Variants in PDGFRL observed in about 807,000 individuals in gnomAD.
PDGFRL encodes platelet derived growth factor receptor like, also known as platelet-derived growth factor receptor-like protein.
PDGFRL carries 46 observed loss-of-function variants against 37.2 expected under a neutral mutation model. The observed-to-expected ratio is 1.24, with a 90% CI of 0.98 to 1.58. PDGFRL has a LOEUF of 1.58. Ranked by LOEUF, PDGFRL falls within the 40% of genes most tolerant of loss-of-function variation. PDGFRL has a pLI of 0.00. For missense variants in PDGFRL, 692 were observed against 467.6 expected (o/e 1.48, Z -4.43); for synonymous variants, 251 against 184.3 (o/e 1.36, Z -2.93).
intron 1 of PDGFRL, among the ~76,000 whole-genome samples, chr8:17,582,999 C>T (rs1026281698): frequency 2.6e-5 from 4 of 151,996 alleles, no homozygotes; most frequent in South Asian, 2.1e-4. Flanking sequence ...TCCAGATGGG[C>T]GAATAAGAGC....
At chr8:17,587,496 T>C (rs1803841553) in intron 1 of PDGFRL, among the ~76,000 whole-genome samples, 1 of 152,142 alleles carries the variant, frequency 6.6e-6, no homozygotes, top group African/African-American at 2.4e-5. Flanking sequence ...TTAAAGTATT[T>C]ATGGGGCACA....
intron 2 of PDGFRL, among the ~76,000 whole-genome samples, chr8:17,616,191 TATTTA>T (rs2129742184): frequency 6.6e-6 from 1 of 151,054 alleles, no homozygotes; most frequent in East Asian, 2.0e-4. Context: ...TTTATTTATT[TATTTA>T]TTTATTTATT....
At chr8:17,577,181 C>T (rs991660733), upstream of PDGFRL, 6 of 1,562,428 alleles carry the variant, frequency 3.8e-6, no homozygotes, top group African/African-American at 8.1e-5. Context: ...CGCCCCTCGC[C>T]CGCCGCCTCC....
At chr8:17,638,201 A>G (rs943051680) in intron 5 of PDGFRL, among the ~76,000 whole-genome samples, 1 of 152,142 alleles carries the variant, frequency 6.6e-6, no homozygotes, top group Admixed American at 6.5e-5. Context: ...CTTTCCTCTT[A>G]GCACTGCCTT....
chr8:17,616,969 G>A (rs572217002), intron 2 of PDGFRL, among the ~76,000 whole-genome samples: 11 of 152,244 alleles, frequency 7.2e-5, no homozygotes, highest in South Asian at 6.2e-4. Flanking sequence ...CCCTATATCT[G>A]AGGACTGTCA....
At chr8:17,634,362 A>C (rs7006453) in intron 5 of PDGFRL, 149 bp downstream of exon 5, 141,388 of 583,286 alleles carry the variant, frequency 0.24, 22,641 homozygotes, top group African/African-American at 0.63. Flanking sequence ...GGGGCCAGGT[A>C]TTGTTTGTTT....
Position 17,606,224 on chromosome 8 carries a change from G to A in PDGFRL, c.354-14827G>A, listed in dbSNP as rs368314055. ...TATATTTTTCGAAAATACACAGAAC[G>A]TACAATTTACCATATTAACCATTTT... is the stretch of plus-strand genomic sequence containing the variant. On this transcript the variant is annotated intron_variant, in intron 2 of 5. Coordinates refer to ENST00000251630, the MANE Select transcript of PDGFRL (RefSeq NM_001372073.1). 5.9e-5 allele frequency among the ~76,000 whole-genome samples: 9 copies of A among 151,938 alleles called. No individual in the cohort carries two copies. In the East Asian group the frequency reaches 1.5e-3, roughly 26 times the overall value.
rs1478622255 is a variant in PDGFRL at position 17,642,812 on chromosome 8, G to T, written c.*11G>T. The T allele has an allele frequency of 5.1e-6, 8 of 1,556,048 alleles. No individual in the cohort carries two copies. In the East Asian group the frequency reaches 1.8e-4, roughly 35 times the overall value. On this transcript the variant is annotated 3_prime_UTR_variant, in exon 6 of 6. Coordinates refer to ENST00000251630, the MANE Select transcript of PDGFRL (RefSeq NM_001372073.1). ...GTTGAGTTTTCCTGACTTGGAAAAG[G>T]AAATGTAATGAACTTATGGAAAGCC...
rs746835790 is a variant in PDGFRL, at chr8:17,589,638, C to G, written c.226C>G (p.Arg76Gly). The G allele has an allele frequency of 6.2e-7, 1 of 1,613,792 alleles. No homozygotes were observed. Among genetic ancestry groups the G allele is most frequent in the South Asian group, 1.1e-5 (1 of 91,056 alleles). ...CATGATGCAAGTGCTGGATAAAGGT[C>G]GCTTCCAGAAACCCGCCGCTACCCT... Reference protein sequence around the residue: ...SIMMQVLDKGRFQKPAATLSL... With the variant: ...SIMMQVLDKGGFQKPAATLSL... The change falls in exon 2 of 6, where the codon CGC becomes GGC. Residue 76 changes from arginine (R) to glycine (G), a missense_variant. Transcript: ENST00000251630.
At chr8:17,583,343 C>T (rs2517277) in intron 1 of PDGFRL, among the ~76,000 whole-genome samples, 3 of 152,060 alleles carry the variant, frequency 2.0e-5, no homozygotes, top group Non-Finnish European at 2.9e-5. Flanking sequence ...CAACTCCAAC[C>T]TGTCAGATCA....
chr8:17,583,784 C>G (rs1057026672), intron 1 of PDGFRL, among the ~76,000 whole-genome samples: 3 of 152,062 alleles, frequency 2.0e-5, no homozygotes, highest in African/African-American at 4.8e-5. Context: ...AGGCTTGCAC[C>G]TCCCCTCTCT....
At chr8:17,581,657 G>T (rs1803710078) in intron 1 of PDGFRL, among the ~76,000 whole-genome samples, 1 of 152,046 alleles carries the variant, frequency 6.6e-6, no homozygotes, top group African/African-American at 2.4e-5. Flanking sequence ...GTTAAAGAGA[G>T]TCTGGTCCCT....
At chr8:17,605,265 G>A (rs985801726) in intron 2 of PDGFRL, among the ~76,000 whole-genome samples, 2 of 152,164 alleles carry the variant, frequency 1.3e-5, no homozygotes, top group African/African-American at 2.4e-5. Context: ...CTCTTCCTGT[G>A]TCAGTTGCCT....
rs769530607 is a variant in PDGFRL at position 17,628,572 on chromosome 8, G to A, written c.591G>A (p.Arg197=). ...ACAGACAGGCTGTGGTTCCTTGTCG[G>A]GTGACCGTGCTGTCGGCCAAAGTCA... is the stretch of plus-strand genomic sequence containing the variant. ...NPDRQAVVPC[R]VTVLSAKVTL... The change falls in exon 4 of 6, where the codon CGG becomes CGA. Residue 197 remains arginine (R), a synonymous_variant. Coordinates refer to ENST00000251630, the MANE Select transcript of PDGFRL (RefSeq NM_001372073.1). The A allele has an allele frequency of 2.5e-6, 4 of 1,614,092 alleles. No homozygotes were observed. The South Asian group carries it at 3.3e-5, about 13-fold the overall frequency.
intron 2 of PDGFRL, among the ~76,000 whole-genome samples, chr8:17,591,474 T>C (rs1803939011): frequency 6.6e-6 from 1 of 152,192 alleles, no homozygotes; most frequent in Admixed American, 6.5e-5. Context: ...CAGTTCTCAG[T>C]TTCCTTATGT....
chr8:17,606,007 A>T (rs1327363347), intron 2 of PDGFRL, among the ~76,000 whole-genome samples: 1 of 152,198 alleles, frequency 6.6e-6, no homozygotes, highest in African/African-American at 2.4e-5. Flanking sequence ...GTGGGCTCCC[A>T]GCCAGGCTCA....
intron 2 of PDGFRL, among the ~76,000 whole-genome samples, chr8:17,600,759 G>T (rs1026693135): frequency 7.9e-5 from 12 of 151,372 alleles, no homozygotes; most frequent in African/African-American, 2.9e-4. Context: ...ACTATGATCT[G>T]TGACTGTGCT....
intron 2 of PDGFRL, among the ~76,000 whole-genome samples, chr8:17,603,785 G>T (rs963286809): frequency 6.6e-6 from 1 of 152,138 alleles, no homozygotes; most frequent in Non-Finnish European, 1.5e-5. Flanking sequence ...AAATATTAAA[G>T]TCTGTTAGCA....
intron 5 of PDGFRL, 121 bp from the exon 6 acceptor site, chr8:17,642,492 C>G (rs542470525): frequency 1.5e-6 from 1 of 676,152 alleles, no homozygotes; most frequent in Admixed American, 2.8e-5. Context: ...GCATACTAAA[C>G]AGTCTTTTAT....
Sources: gnomAD v4.1 joint callset for allele counts (sites outside exome capture counted in the v4.1 genomes callset) on GRCh38, gnomAD v4.1.1 for gene constraint, MANE v1.5 for transcripts, NCBI Gene and HGNC (gene_info 2026-07-23, HGNC 2026-07-21) for gene names.